Variants in SHC4 observed in about 807,000 individuals in gnomAD.
The protein encoded by SHC4 is SHC adaptor protein 4, also known as SHC-transforming protein 4.
SHC4 carries 41 observed loss-of-function variants against 69.4 expected under a neutral mutation model. The observed-to-expected ratio is 0.59, with a 90% CI of 0.46 to 0.77. SHC4 has a LOEUF of 0.77. SHC4 is among the 30% of genes least tolerant of loss of function. The pLI is 0.00. For synonymous variants in SHC4, 318 were observed against 299.3 expected (o/e 1.06, Z -0.64); for missense variants, 777 against 783.8 (o/e 0.99, Z 0.10).
At chr15:48,872,983 A>G (rs1030655616) in intron 4 of SHC4, among the ~76,000 whole-genome samples, 1 of 152,236 alleles carries the variant, frequency 6.6e-6, no homozygotes, top group Non-Finnish European at 1.5e-5. Context: ...ATATAAGATG[A>G]CCAGCAATTT....
chr15:48,888,646 C>T (rs1404269094), intron 3 of SHC4, among the ~76,000 whole-genome samples: 1 of 152,062 alleles, frequency 6.6e-6, no homozygotes. Context: ...ATGATCCCAG[C>T]ACTTTGGGAG....
At chr15:48,885,392 C>T (rs1486039082) in intron 3 of SHC4, among the ~76,000 whole-genome samples, 20 of 152,238 alleles carry the variant, frequency 1.3e-4, no homozygotes, top group Admixed American at 1.2e-3. Flanking sequence ...AACTAGAGAA[C>T]ATTTAGCATA....
chr15:48,928,074 C>T (rs16961858), intron 1 of SHC4, among the ~76,000 whole-genome samples: 34,531 of 151,968 alleles, frequency 0.23, 4,777 homozygotes, highest in East Asian at 0.43. Flanking sequence ...GGGGCTAGGG[C>T]GAGCCGAGGG....
intron 6 of SHC4, among the ~76,000 whole-genome samples, chr15:48,864,905 A>G (rs1190154957): frequency 6.6e-6 from 1 of 152,202 alleles, no homozygotes; most frequent in Non-Finnish European, 1.5e-5. Context: ...TCTCTGGTCT[A>G]TCTTTTCAGC....
In SHC4 at chr15:48,838,441, T is replaced by C. The variant is rs368557687; in HGVS notation, c.1484-3419A>G. ...TATACTGTTTATTAGTATGGATTAC[T>C]GGGTGTATGAAAACTCTAAAATAAA... On this transcript the variant is annotated intron_variant, in intron 10 of 11. Transcript: ENST00000332408. 4.6e-5 allele frequency among the ~76,000 whole-genome samples: 7 copies of C among 152,338 alleles called. No individual in the cohort carries two copies. In the East Asian group the frequency reaches 5.8e-4, roughly 13 times the overall value.
Position 48,825,779 on chromosome 15 carries a change from C to T in SHC4, c.*192G>A, listed in dbSNP as rs1430284207. The T allele has an allele frequency of 3.3e-6, 2 of 613,978 alleles. No individual in the cohort carries two copies. The highest frequency in any genetic ancestry group is 5.3e-6 in the Non-Finnish European group (2 of 380,566). The allele number at this position is 613,978 out of a possible 1,614,324, so 38.0% of individuals were successfully genotyped here. The stretch of plus-strand genomic sequence containing the variant: ...AAATGACCAACCCTCTTCCTCTTTT[C>T]TGATTTTCATTTCTGAAGACTAATT... On this transcript the variant is annotated 3_prime_UTR_variant, in exon 12 of 12. Transcript: ENST00000332408.
intron 11 of SHC4, among the ~76,000 whole-genome samples, chr15:48,834,364 A>T (rs1898861425): frequency 6.6e-6 from 1 of 152,162 alleles, no homozygotes; most frequent in African/African-American, 2.4e-5. Context: ...AAACACCATA[A>T]TGCTTTGGTT....
chr15:48,943,078 A>G (rs979822962), intron 1 of SHC4, among the ~76,000 whole-genome samples: 1 of 152,124 alleles, frequency 6.6e-6, no homozygotes, highest in Non-Finnish European at 1.5e-5. Context: ...TACCAAAAAC[A>G]TTCCTCTCAA....
chr15:48,939,835 C>T (rs1376795146), intron 1 of SHC4, among the ~76,000 whole-genome samples: 1 of 152,252 alleles, frequency 6.6e-6, no homozygotes, highest in Admixed American at 6.5e-5. Flanking sequence ...TAATCTGCTT[C>T]CCAGGAGAGT....
At chr15:48,855,505 GT>G (rs1899295067) in intron 8 of SHC4, among the ~76,000 whole-genome samples, 1 of 152,130 alleles carries the variant, frequency 6.6e-6, no homozygotes, top group South Asian at 2.1e-4. Flanking sequence ...GGGAGTCCAA[GT>G]TTTTTGCAGG....
intron 1 of SHC4, among the ~76,000 whole-genome samples, chr15:48,943,712 C>T (rs1901218422): frequency 6.6e-6 from 1 of 152,050 alleles, no homozygotes; most frequent in Non-Finnish European, 1.5e-5. Flanking sequence ...GTTTACATTC[C>T]CACCAAGAGT....
At chr15:48,835,565 C>A (rs1055733459) in intron 10 of SHC4, among the ~76,000 whole-genome samples, 1 of 152,128 alleles carries the variant, frequency 6.6e-6, no homozygotes, top group Admixed American at 6.6e-5. Flanking sequence ...CACAGCATTC[C>A]CACTAAAGGA....
intron 1 of SHC4, among the ~76,000 whole-genome samples, chr15:48,938,789 T>C (rs1252855756): frequency 6.6e-6 from 1 of 152,162 alleles, no homozygotes; most frequent in Non-Finnish European, 1.5e-5. Context: ...CTTGTTAACA[T>C]AGAATGACCT....
chr15:48,885,441 T>C (rs1900019157), intron 3 of SHC4, among the ~76,000 whole-genome samples: 1 of 152,178 alleles, frequency 6.6e-6, no homozygotes, highest in Non-Finnish European at 1.5e-5. Context: ...ATTATTATTA[T>C]TACTTATTTT....
intron 1 of SHC4, among the ~76,000 whole-genome samples, chr15:48,941,775 C>T (rs1901179396): frequency 2.0e-5 from 3 of 152,100 alleles, no homozygotes; most frequent in Admixed American, 6.6e-5. Flanking sequence ...TTAAGGGGTA[C>T]AAGTGCAGTT....
intron 2 of SHC4, among the ~76,000 whole-genome samples, chr15:48,919,295 A>ATTTTTTTTTTTTATTTTTTTTT (rs1900692350): frequency 1.4e-5 from 1 of 71,216 alleles, no homozygotes; most frequent in Non-Finnish European, 2.6e-5. Flanking sequence ...ATTTATTTTA[A>ATTTTTTTTTTTTATTTTTTTTT]TTTTTTTTTT....
intron 11 of SHC4, among the ~76,000 whole-genome samples, chr15:48,831,877 A>G (rs1221610008): frequency 6.6e-6 from 1 of 152,170 alleles, no homozygotes; most frequent in African/African-American, 2.4e-5. Flanking sequence ...TTTTGTTTCA[A>G]CTTGAAGGAC....
chr15:48,914,363 C>T (rs1595755506), intron 2 of SHC4, among the ~76,000 whole-genome samples: 1 of 152,214 alleles, frequency 6.6e-6, no homozygotes, highest in Non-Finnish European at 1.5e-5. Flanking sequence ...GGCCACTTAC[C>T]TCTCTGAGCC....
chr15:48,892,145 G>A (rs903552356), intron 2 of SHC4, among the ~76,000 whole-genome samples: 3 of 151,832 alleles, frequency 2.0e-5, no homozygotes, highest in African/African-American at 4.8e-5. Flanking sequence ...GTGAGCCACC[G>A]CGCCCGGCCA....
Sources: gnomAD v4.1 joint callset for allele counts (sites outside exome capture counted in the v4.1 genomes callset) on GRCh38, gnomAD v4.1.1 for gene constraint, MANE v1.5 for transcripts, NCBI Gene and HGNC (gene_info 2026-07-23, HGNC 2026-07-21) for gene names.